Variants in SPATA22 observed in about 807,000 individuals in gnomAD.
The protein encoded by SPATA22 is spermatogenesis associated 22, also known as spermatogenesis-associated protein 22.
In SPATA22, 29 loss-of-function variants were observed where a neutral mutation model predicts 47.8. The observed-to-expected ratio is 0.61, with a 90% CI of 0.45 to 0.83. SPATA22 has a LOEUF of 0.83. SPATA22 is among the 40% of genes least tolerant of loss of function. SPATA22 has a pLI of 0.00. For missense variants in SPATA22, 410 were observed against 421.7 expected (o/e 0.97, Z 0.24); for synonymous variants, 133 against 140.9 (o/e 0.94, Z 0.40).
chr17:3,495,155 G>A (rs1483245585), intron 1 of SPATA22, among the ~76,000 whole-genome samples: 1 of 152,156 alleles, frequency 6.6e-6, no homozygotes, highest in Non-Finnish European at 1.5e-5. Context: ...AAGGGAAAAG[G>A]AGAGAAGAAC....
chr17:3,445,512 T>C (rs1472231744), intron 7 of SPATA22, among the ~76,000 whole-genome samples: 4 of 152,104 alleles, frequency 2.6e-5, no homozygotes, highest in South Asian at 2.1e-4. Flanking sequence ...ATACCCTGAG[T>C]ATAGAACGCA....
Position 3,482,868 on chromosome 17 carries a change from C to T in SPATA22, c.-73-13470G>A, listed in dbSNP as rs9894622. On this transcript the variant is annotated intron_variant, in intron 1 of 8. Transcript: ENST00000541913. ...GGTTTGTTACATATGTATACATGTG[C>T]CATGTTGGTGTGCCGCACCCATTAA... Among the ~76,000 whole-genome samples, 1,239 of 151,038 alleles carry T rather than the reference C, an allele frequency of 8.2e-3. 18 individuals are homozygous for T. The highest frequency in any genetic ancestry group is 0.027 in the African/African-American group (1,116 of 41,122).
Position 3,488,360 on chromosome 17 carries a change from A to G in SPATA22, c.-73-18962T>C, listed in dbSNP as rs1448034441. On this transcript the variant is annotated intron_variant, in intron 1 of 8. Coordinates refer to the SPATA22 transcript ENST00000541913. This position sits in a 1 kb window ranked among gnomAD's most constrained non-coding sequence, Gnocchi z 6.1. ...GAAATGAACACAAGTTTTTTCCTGC[A>G]TAAAATTAAAACCAGGCCAAGCACG... Among the ~76,000 whole-genome samples the G allele has an allele frequency of 6.6e-6, 1 of 152,208 alleles. No individual in the cohort carries two copies. Among genetic ancestry groups the G allele is most frequent in the African/African-American group, 2.4e-5 (1 of 41,452 alleles).
At chr17:3,440,556 C>G in intron 8 of SPATA22, 1 of 354,856 alleles carries the variant, frequency 2.8e-6, no homozygotes, top group Non-Finnish European at 5.1e-6. Context: ...CTCTTACAAG[C>G]TAGCAAGTTG....
At chr17:3,502,036 C>T (rs531708275) in intron 1 of SPATA22, 3 of 152,230 alleles carry the variant, frequency 2.0e-5, no homozygotes, top group South Asian at 2.1e-4. Flanking sequence ...AAATCTTTCA[C>T]GAAAGGAAGA....
At chr17:3,473,377 C>T (rs959113256), upstream of SPATA22, among the ~76,000 whole-genome samples, 1 of 152,222 alleles carries the variant, frequency 6.6e-6, no homozygotes, top group African/African-American at 2.4e-5. Context: ...AAAAACCCTT[C>T]TTATCCCCCA....
Position 3,508,009 on chromosome 17 carries a change from T to C in SPATA22, c.-74+5403A>G, listed in dbSNP as rs1360830455. 3.3e-5 allele frequency among the ~76,000 whole-genome samples: 5 copies of C among 152,322 alleles called. No individual in the cohort carries two copies. In the South Asian group the frequency reaches 1.0e-3, roughly 32 times the overall value. On this transcript the variant is annotated intron_variant, in intron 1 of 8. Coordinates refer to the SPATA22 transcript ENST00000541913. ...GGATGTGAATCACGTACAATCCCTGTCTTGCTGCCACTCAACAAGATACAT... is the reference window on the plus strand; with the variant it reads ...GGATGTGAATCACGTACAATCCCTGCCTTGCTGCCACTCAACAAGATACAT...
chr17:3,506,252 G>A (rs1046284730), intron 1 of SPATA22, among the ~76,000 whole-genome samples: 4 of 152,144 alleles, frequency 2.6e-5, no homozygotes, highest in East Asian at 3.9e-4. Flanking sequence ...TTCGCCCAGG[G>A]CTGCCCCATC....
intron 1 of SPATA22, among the ~76,000 whole-genome samples, chr17:3,494,843 T>C (rs761192726): frequency 1.3e-5 from 2 of 152,212 alleles, no homozygotes; most frequent in Non-Finnish European, 2.9e-5. Context: ...GGAATTATGA[T>C]GTCTATTTTA....
At chr17:3,470,621 G>A (rs2073407556) in intron 1 of SPATA22, among the ~76,000 whole-genome samples, 1 of 151,798 alleles carries the variant, frequency 6.6e-6, no homozygotes, top group Non-Finnish European at 1.5e-5. Context: ...CGTGGTGGCA[G>A]GCACCTGTGG....
intron 8 of SPATA22, chr17:3,441,533 C>T (rs906175449): frequency 1.3e-5 from 2 of 151,926 alleles, no homozygotes; most frequent in Non-Finnish European, 2.9e-5. Context: ...GCAGAGCAAC[C>T]ATAACTCTCC....
upstream of SPATA22, chr17:3,471,846 C>T (rs910069637): frequency 7.8e-5 from 77 of 985,402 alleles, no homozygotes; most frequent in Admixed American, 6.1e-4. Context: ...CCGTGGACCG[C>T]GCAGGCGCAG....
intron 5 of SPATA22, among the ~76,000 whole-genome samples, chr17:3,458,888 A>T (rs2073060046): frequency 6.8e-6 from 1 of 146,588 alleles, no homozygotes; most frequent in Non-Finnish European, 1.5e-5. Context: ...AAATTCCAAG[A>T]TACGTAAACA....
At chr17:3,501,956 A>C (rs1288130611) in intron 1 of SPATA22, 364 of 151,684 alleles carry the variant, frequency 2.4e-3, no homozygotes, top group African/African-American at 8.6e-3. Flanking sequence ...CCATCTCAAA[A>C]AAAAAAAAAA....
At chr17:3,445,405 G>A (rs1376243324) in intron 7 of SPATA22, among the ~76,000 whole-genome samples, 2 of 152,034 alleles carry the variant, frequency 1.3e-5, no homozygotes, top group East Asian at 1.9e-4. Context: ...TGAAGTATAT[G>A]GGAGTTCCAG....
At chr17:3,476,087 T>A, upstream of SPATA22, 1 of 1,406,498 alleles carries the variant, frequency 7.1e-7, no homozygotes, top group Non-Finnish European at 1.0e-6. Flanking sequence ...TTTCTAAACC[T>A]TTCTTAAGAA....
At chr17:3,452,199 A>G (rs4790488) in intron 5 of SPATA22, among the ~76,000 whole-genome samples, 35,172 of 151,184 alleles carry the variant, frequency 0.23, 4,356 homozygotes, top group East Asian at 0.42. Flanking sequence ...ACACTTAAAG[A>G]AATTAGAAAA....
Position 3,443,185 on chromosome 17 carries a change from A to G in SPATA22, c.889T>C (p.Phe297Leu). The G allele has an allele frequency of 1.9e-6, 3 of 1,607,434 alleles. No homozygotes were observed. The highest frequency in any genetic ancestry group is 2.6e-6 in the Non-Finnish European group (3 of 1,176,308). Residue 297 changes from phenylalanine (F) to leucine (L), a missense_variant, in exon 8 of 9, where the codon TTT becomes CTT. By Grantham distance (22) the Phe-to-Leu change is conservative. Transcript: ENST00000572969. ...RDGKNTLPCV[F>L]YEIDRELPRL... The stretch of plus-strand genomic sequence containing the variant: ...TTAAAAATACTCACGATTTCATAAA[A>G]GACACAAGGCAGAGTATTTTTCCCA...
At chr17:3,477,015 C>T (rs1316366450) in intron 1 of SPATA22, among the ~76,000 whole-genome samples, 4 of 152,020 alleles carry the variant, frequency 2.6e-5, no homozygotes, top group African/African-American at 9.7e-5. Context: ...ATTAGCCGGG[C>T]GTAGTGGCGG....
Sources: allele counts gnomAD v4.1 joint callset (sites outside exome capture counted in the v4.1 genomes callset), GRCh38; gene constraint gnomAD v4.1.1; non-coding constraint Gnocchi (gnomAD v3.1); transcripts MANE v1.5; gene names NCBI Gene and HGNC (gene_info 2026-07-23, HGNC 2026-07-21).